The following TCERG1L variants were observed in gnomAD, a reference collection of about 807,000 sequenced individuals.
The protein encoded by TCERG1L is transcription elongation regulator 1-like protein.
TCERG1L carries 37 observed loss-of-function variants against 56.3 expected under a neutral mutation model. That is an observed-to-expected ratio of 0.66 (90% CI 0.51 to 0.87). TCERG1L has a LOEUF of 0.87. Among genes scored for constraint, TCERG1L ranks in the 40% least tolerant of loss-of-function variants. The probability of loss-of-function intolerance (pLI) is 0.00; values close to 1 mark genes in which losing one functional copy is unlikely to be tolerated. For missense variants in TCERG1L, 799 were observed against 774.2 expected, an observed-to-expected ratio of 1.03 and a Z score of -0.38; for synonymous variants, 324 against 326.3, an observed-to-expected ratio of 0.99 and a Z score of 0.08.
chr10:131,179,071 C>T lies in TCERG1L; in HGVS notation c.857-12186G>A, dbSNP rs572731569. Among the ~76,000 whole-genome samples the T allele has an allele frequency of 5.9e-5, 9 of 152,310 alleles. No individual in the cohort carries two copies. In the East Asian group the frequency reaches 1.2e-3, roughly 20 times the overall value. On this transcript the variant is annotated intron_variant, in intron 4 of 11. Transcript: ENST00000368642. The stretch of plus-strand genomic sequence containing the variant: ...AGGGGAGGCTGAGCCCGCGTCGGCA[C>T]CATGCTGGTGGAAGCCGGGGCTTCT...
Position 131,166,191 on chromosome 10 carries a change from A to C in TCERG1L, c.945+606T>G, listed in dbSNP as rs139633919. 6.6e-5 allele frequency among the ~76,000 whole-genome samples: 10 copies of C among 152,362 alleles called. No individual in the cohort carries two copies. In the East Asian group the frequency reaches 1.9e-3, roughly 29 times the overall value. On this transcript the variant is annotated intron_variant, in intron 5 of 11. Coordinates refer to ENST00000368642, the MANE Select transcript of TCERG1L (RefSeq NM_174937.4). Reference sequence around the variant, plus strand: ...TCGCAGTGTGGCTTTAGGCAGAGAAATACCTTGGAAAGGTGAAGTAAGAGA... The same window carrying C: ...TCGCAGTGTGGCTTTAGGCAGAGAACTACCTTGGAAAGGTGAAGTAAGAGA...
intron 4 of TCERG1L, among the ~76,000 whole-genome samples, chr10:131,204,600 C>G (rs568678489): frequency 2.6e-5 from 4 of 152,218 alleles, no homozygotes; most frequent in African/African-American, 9.6e-5. Flanking sequence ...CAGTGGGGCA[C>G]GGAGCCAGCT....
At chr10:131,154,395 C>T (rs1845897498) in intron 6 of TCERG1L, among the ~76,000 whole-genome samples, 1 of 152,320 alleles carries the variant, frequency 6.6e-6, no homozygotes, top group South Asian at 2.1e-4. Flanking sequence ...CAAAGGCTCT[C>T]CCTGGATCCC....
intron 8 of TCERG1L, among the ~76,000 whole-genome samples, chr10:131,123,409 T>G (rs1044491305): frequency 2.0e-5 from 3 of 151,942 alleles, no homozygotes; most frequent in African/African-American, 7.3e-5. Context: ...TGAGGAGCCC[T>G]GGGGGTATCT....
At chr10:131,230,596 C>T (rs889363580) in intron 4 of TCERG1L, among the ~76,000 whole-genome samples, 2 of 152,236 alleles carry the variant, frequency 1.3e-5, no homozygotes, top group Non-Finnish European at 2.9e-5. Flanking sequence ...CAAATCGTAT[C>T]TCAGCTAAGC....
chr10:131,206,527 C>T (rs1006229963), intron 4 of TCERG1L, among the ~76,000 whole-genome samples: 3 of 152,238 alleles, frequency 2.0e-5, no homozygotes, highest in Non-Finnish European at 4.4e-5. Flanking sequence ...TGGGCGGCTG[C>T]CCGCCAGGCC....
At chr10:131,104,469 A>T in intron 9 of TCERG1L, 115 bp from the exon 10 acceptor site, 1 of 683,718 alleles carries the variant, frequency 1.5e-6, no homozygotes, top group African/African-American at 1.8e-5. Flanking sequence ...ATTAAAGTAC[A>T]ATAGATTCCG....
chr10:131,195,453 G>C (rs1474936860), intron 4 of TCERG1L, among the ~76,000 whole-genome samples: 3 of 152,228 alleles, frequency 2.0e-5, no homozygotes, highest in African/African-American at 7.2e-5. Context: ...CGCTTTTCAA[G>C]GCTGACGGCT....
intron 4 of TCERG1L, among the ~76,000 whole-genome samples, chr10:131,239,820 C>G (rs1845952202): frequency 6.6e-6 from 1 of 152,234 alleles, no homozygotes; most frequent in African/African-American, 2.4e-5. Flanking sequence ...CTGGTCAGAG[C>G]CAAGACCCTC....
At chr10:131,276,257 A>G (rs1194693426) in intron 3 of TCERG1L, among the ~76,000 whole-genome samples, 1 of 152,204 alleles carries the variant, frequency 6.6e-6, no homozygotes, top group Non-Finnish European at 1.5e-5. Context: ...GTTGCTAAAA[A>G]GATTAACCCT....
chr10:131,269,702 G>T (rs144713198), intron 3 of TCERG1L, among the ~76,000 whole-genome samples: 1 of 152,104 alleles, frequency 6.6e-6, no homozygotes, highest in East Asian at 1.9e-4. Context: ...CACAACAGAC[G>T]TAACAATACT....
chr10:131,219,116 T>A (rs899764013), intron 4 of TCERG1L, among the ~76,000 whole-genome samples: 1 of 152,104 alleles, frequency 6.6e-6, no homozygotes, highest in Non-Finnish European at 1.5e-5. Context: ...TGGCTCTGCC[T>A]GCAGGCTCCG....
intron 10 of TCERG1L, 65 bp from the exon 11 acceptor site, chr10:131,098,489 C>G: frequency 6.6e-7 from 1 of 1,505,944 alleles, no homozygotes; most frequent in Non-Finnish European, 8.8e-7. Context: ...ATCTTGTATT[C>G]CAAGCACAAC....
chr10:131,131,478 G>A (rs550565355), intron 8 of TCERG1L, among the ~76,000 whole-genome samples: 2 of 152,200 alleles, frequency 1.3e-5, no homozygotes, highest in Admixed American at 6.5e-5. Flanking sequence ...CATCGTCTTC[G>A]CCAATGCATC....
intron 6 of TCERG1L, among the ~76,000 whole-genome samples, chr10:131,151,068 C>T (rs1269387103): frequency 3.3e-5 from 5 of 152,172 alleles, no homozygotes; most frequent in Non-Finnish European, 5.9e-5. Context: ...CCTTGACACA[C>T]GGGGATTACC....
intron 8 of TCERG1L, among the ~76,000 whole-genome samples, chr10:131,127,293 C>A (rs968512469): frequency 2.6e-5 from 4 of 152,228 alleles, no homozygotes; most frequent in Admixed American, 2.6e-4. Context: ...GCGTGGGCAA[C>A]TCCAGGCCAA....
chr10:131,185,586 A>G (rs1242372073), intron 4 of TCERG1L, among the ~76,000 whole-genome samples: 1 of 152,260 alleles, frequency 6.6e-6, no homozygotes, highest in Non-Finnish European at 1.5e-5. Flanking sequence ...AATGACTCAA[A>G]TCATCATTTT....
At chr10:131,124,841 G>A (rs1564796502) in intron 8 of TCERG1L, among the ~76,000 whole-genome samples, 1 of 152,218 alleles carries the variant, frequency 6.6e-6, no homozygotes, top group African/African-American at 2.4e-5. Flanking sequence ...TGTGTGCTCT[G>A]TGTTCTCGAG....
chr10:131,309,957 A>C (rs957052816), intron 1 of TCERG1L, among the ~76,000 whole-genome samples: 11 of 151,968 alleles, frequency 7.2e-5, no homozygotes. Flanking sequence ...TAATTAAAAT[A>C]ACTGAGACCT....
Sources: gnomAD v4.1 joint callset for allele counts (sites outside exome capture counted in the v4.1 genomes callset) on GRCh38, gnomAD v4.1.1 for gene constraint, MANE v1.5 for transcripts, NCBI Gene and HGNC (gene_info 2026-07-23, HGNC 2026-07-21) for gene names.